The following COLEC12 variants were observed in gnomAD, a reference collection of about 807,000 sequenced individuals.
The protein encoded by COLEC12 is collectin-12.
A neutral mutation model predicts 71.1 loss-of-function variants in COLEC12; 33 were observed. That is an observed-to-expected ratio of 0.46 (90% CI 0.35 to 0.62). The LOEUF is 0.62. Ranked by LOEUF, COLEC12 falls within the 20% of genes least tolerant of loss-of-function variation. COLEC12 has a pLI of 0.00. For synonymous variants in COLEC12, 350 were observed against 353.0 expected (o/e 0.99, Z 0.10); for missense variants, 765 against 916.1 (o/e 0.84, Z 2.13).
chr18:439,288 T>G (rs929904417), intron 2 of COLEC12, among the ~76,000 whole-genome samples: 9 of 152,324 alleles, frequency 5.9e-5, no homozygotes, highest in Admixed American at 5.9e-4. Context: ...ACTGTCCACA[T>G]GCCTGTACCA....
intron 2 of COLEC12, among the ~76,000 whole-genome samples, chr18:466,591 G>A (rs1208641429): frequency 4.6e-5 from 7 of 152,130 alleles, no homozygotes; most frequent in Non-Finnish European, 7.4e-5. Flanking sequence ...AGCTTTGGTA[G>A]GATTTAAGAA....
chr18:491,831 T>C (rs1157049626), intron 1 of COLEC12, among the ~76,000 whole-genome samples: 2 of 152,238 alleles, frequency 1.3e-5, no homozygotes, highest in Non-Finnish European at 2.9e-5. Flanking sequence ...TGTCCTTTTA[T>C]CTTGATATGT....
intron 1 of COLEC12, among the ~76,000 whole-genome samples, chr18:493,794 G>T (rs1417013412): frequency 1.3e-5 from 2 of 152,180 alleles, no homozygotes; most frequent in Non-Finnish European, 2.9e-5. Flanking sequence ...TACTACTGAT[G>T]AAATAGACAT....
chr18:336,323 C>G (rs1914118307), intron 5 of COLEC12, among the ~76,000 whole-genome samples: 1 of 152,100 alleles, frequency 6.6e-6, no homozygotes. Context: ...GGTGTCCAAA[C>G]TCTCTGGGTG....
chr18:465,861 T>G lies in COLEC12; in HGVS notation c.58+14846A>C, dbSNP rs1432066149. 4.6e-5 allele frequency among the ~76,000 whole-genome samples: 7 copies of G among 152,000 alleles called. No homozygotes were observed. The East Asian group carries it at 1.4e-3, about 29-fold the overall frequency. ...GCTGAAGCAGGTGGATCACTTGAGG[T>G]CAGGAATTCGAGACCAGCCTGGGCA... On this transcript the variant is annotated intron_variant, in intron 2 of 9. Coordinates refer to ENST00000400256, the MANE Select transcript of COLEC12 (RefSeq NM_130386.3).
In COLEC12 at chr18:368,658, A is replaced by G. The variant is rs565589536; in HGVS notation, c.59-11136T>C. 5.3e-5 allele frequency among the ~76,000 whole-genome samples: 8 copies of G among 151,838 alleles called. No individual in the cohort carries two copies. The East Asian group carries it at 1.2e-3, about 22-fold the overall frequency. On this transcript the variant is annotated intron_variant, in intron 2 of 9. Transcript: ENST00000400256. Reference sequence around the variant, plus strand: ...GGTGGGCGGATCATGAGGTCAGGAGATCGAGACCAGCCTGGCTAACATGGT... The same window carrying G: ...GGTGGGCGGATCATGAGGTCAGGAGGTCGAGACCAGCCTGGCTAACATGGT...
chr18:432,413 C>G (rs1916321845), intron 2 of COLEC12, among the ~76,000 whole-genome samples: 1 of 152,100 alleles, frequency 6.6e-6, no homozygotes, highest in Non-Finnish European at 1.5e-5. Flanking sequence ...AGCTCAGCCA[C>G]TAACCTGGCT....
intron 2 of COLEC12, among the ~76,000 whole-genome samples, chr18:460,795 C>T (rs887197160): frequency 1.7e-3 from 11 of 6,500 alleles, no homozygotes; most frequent in African/African-American, 9.1e-3. Context: ...CAGTGTCTAC[C>T]GGTCACTCTC....
At chr18:392,456 A>T (rs1915481893) in intron 2 of COLEC12, among the ~76,000 whole-genome samples, 1 of 152,240 alleles carries the variant, frequency 6.6e-6, no homozygotes, top group Non-Finnish European at 1.5e-5. Flanking sequence ...TTTAAATTAC[A>T]TACTGGATGG....
intron 2 of COLEC12, among the ~76,000 whole-genome samples, chr18:474,479 C>T (rs1224316280): frequency 1.3e-5 from 2 of 152,150 alleles, no homozygotes; most frequent in Non-Finnish European, 2.9e-5. Flanking sequence ...GAGGGTCTGA[C>T]CTAACCAGTG....
intron 2 of COLEC12, among the ~76,000 whole-genome samples, chr18:440,673 C>T (rs1916501752): frequency 1.3e-5 from 2 of 152,154 alleles, no homozygotes; most frequent in South Asian, 4.1e-4. Context: ...TCTTCTGTAT[C>T]CATGGGTTCC....
At chr18:411,860 A>T (rs996777037) in intron 2 of COLEC12, among the ~76,000 whole-genome samples, 2 of 152,232 alleles carry the variant, frequency 1.3e-5, no homozygotes, top group Non-Finnish European at 2.9e-5. Context: ...GAACAGAGAA[A>T]ATAGGGAGAG....
chr18:421,816 A>G (rs987144708), intron 2 of COLEC12, among the ~76,000 whole-genome samples: 1 of 152,194 alleles, frequency 6.6e-6, no homozygotes, highest in Non-Finnish European at 1.5e-5. Context: ...AGCATTTTAA[A>G]ATATCTCCAA....
intron 2 of COLEC12, among the ~76,000 whole-genome samples, chr18:381,471 CAATT>C (rs1391871960): frequency 6.6e-6 from 1 of 152,014 alleles, no homozygotes; most frequent in African/African-American, 2.4e-5. Flanking sequence ...TATTATGTGT[CAATT>C]AAAATAATAA....
chr18:412,588 T>C (rs545662600), intron 2 of COLEC12, among the ~76,000 whole-genome samples: 1 of 151,626 alleles, frequency 6.6e-6, no homozygotes, highest in African/African-American at 2.4e-5. Flanking sequence ...TCCTCTTGAG[T>C]TTTCTAAATT....
chr18:367,947 A>AAAACT, intron 2 of COLEC12, among the ~76,000 whole-genome samples: 1 of 152,306 alleles, frequency 6.6e-6, no homozygotes, highest in East Asian at 1.9e-4. Context: ...AAAACAAAAC[A>AAAACT]AAACTAGACA....
At chr18:361,096 C>A (rs1914734379) in intron 2 of COLEC12, among the ~76,000 whole-genome samples, 1 of 152,174 alleles carries the variant, frequency 6.6e-6, no homozygotes, top group Non-Finnish European at 1.5e-5. Flanking sequence ...CAGTCACAGG[C>A]CTTGTGGGCT....
rs1914652871 is a variant in COLEC12, at chr18:357,455, T to C, written c.126A>G (p.Leu42=). 2.5e-6 allele frequency: 4 copies of C among 1,599,922 alleles called. No homozygotes were observed. Among genetic ancestry groups the C allele is most frequent in the Non-Finnish European group, 3.4e-6 (4 of 1,173,044 alleles). Residue 42 remains leucine (L), a synonymous_variant, in exon 3 of 10, where the codon TTA becomes TTG. Transcript: ENST00000400256. ...NNWALKFSII[L]LYILCALLTI... The stretch of plus-strand genomic sequence containing the variant: ...TTAGCAAGGCACACAAAATGTATAA[T>C]AATATGATAGAAAACTTCAGTGCCC...
At chr18:423,072 A>G (rs1007753791) in intron 2 of COLEC12, among the ~76,000 whole-genome samples, 1 of 151,932 alleles carries the variant, frequency 6.6e-6, no homozygotes, top group African/African-American at 2.4e-5. Flanking sequence ...AGAGTTCAAG[A>G]TTGGCCTGGA....
Sources: allele counts gnomAD v4.1 joint callset (sites outside exome capture counted in the v4.1 genomes callset), GRCh38; gene constraint gnomAD v4.1.1; transcripts MANE v1.5; gene names NCBI Gene and HGNC (gene_info 2026-07-23, HGNC 2026-07-21).